Variants in DLC1 observed in about 807,000 individuals in gnomAD.
DLC1 encodes the protein DLC1 Rho GTPase activating protein, also known as rho GTPase-activating protein 7.
A neutral mutation model predicts 140.3 loss-of-function variants in DLC1; 54 were observed. That is an observed-to-expected ratio of 0.38 (90% CI 0.31 to 0.48). The LOEUF (loss-of-function observed/expected upper bound fraction) is 0.48, where lower values mean the gene tolerates loss of function less well. Ranked by LOEUF, DLC1 falls within the 20% of genes least tolerant of loss-of-function variation. The pLI is 0.96. For missense variants in DLC1, 2,536 were observed against 1,907.0 expected, an observed-to-expected ratio of 1.33 and a Z score of -6.14; for synonymous variants, 986 against 728.1, an observed-to-expected ratio of 1.35 and a Z score of -5.70.
At chr8:13,338,725 C>G (rs1256812040) in intron 4 of DLC1, 1 of 152,134 alleles carries the variant, frequency 6.6e-6, no homozygotes, top group African/African-American at 2.4e-5. Context: ...ATCCCAAAAA[C>G]CAGTGGTTCC....
intron 5 of DLC1, among the ~76,000 whole-genome samples, chr8:13,221,850 T>C (rs933177831): frequency 1.3e-4 from 19 of 144,226 alleles, no homozygotes; most frequent in Non-Finnish European, 2.7e-4. Context: ...ATATAAAATA[T>C]ATTAATATAT....
chr8:13,305,101 T>C (rs1429945432), intron 5 of DLC1, 168 bp downstream of exon 5: 1 of 1,297,502 alleles, frequency 7.7e-7, no homozygotes. Flanking sequence ...CCACGTATAT[T>C]TTTCTTACAT....
At chr8:13,543,367 G>GCAGT (rs1448102454) in intron 1 of DLC1, among the ~76,000 whole-genome samples, 1 of 152,122 alleles carries the variant, frequency 6.6e-6, no homozygotes, top group African/African-American at 2.4e-5. Context: ...AATAGCTAGT[G>GCAGT]CAGTCATCTG....
At chr8:13,329,073 A>T (rs1288105316) in intron 4 of DLC1, among the ~76,000 whole-genome samples, 1 of 152,194 alleles carries the variant, frequency 6.6e-6, no homozygotes, top group East Asian at 1.9e-4. Context: ...GATTCATCCA[A>T]TTCATTATTT....
chr8:13,385,965 A>G (rs1316897997), intron 4 of DLC1, among the ~76,000 whole-genome samples: 3 of 152,194 alleles, frequency 2.0e-5, no homozygotes, highest in Admixed American at 6.5e-5. Context: ...AAAATGGCTT[A>G]CCAGTTATTA....
intron 1 of DLC1, among the ~76,000 whole-genome samples, chr8:13,598,027 C>T (rs1056300721): frequency 6.6e-6 from 1 of 152,096 alleles, no homozygotes. Context: ...TTTGCTCCGC[C>T]ACTTGTAGTG....
chr8:13,327,328 G>A (rs904088562), intron 4 of DLC1, among the ~76,000 whole-genome samples: 4 of 151,886 alleles, frequency 2.6e-5, no homozygotes, highest in Non-Finnish European at 4.4e-5. Flanking sequence ...GCCCCAAATG[G>A]GATCTGACCA....
chr8:13,492,236 G>A (rs1292377062), intron 2 of DLC1, among the ~76,000 whole-genome samples: 2 of 151,998 alleles, frequency 1.3e-5, no homozygotes, highest in African/African-American at 4.8e-5. Flanking sequence ...GCTGGCTCTG[G>A]TCATCACCTG....
At chr8:13,220,833 G>C (rs1455952026) in intron 5 of DLC1, among the ~76,000 whole-genome samples, 3 of 152,122 alleles carry the variant, frequency 2.0e-5, no homozygotes, top group Non-Finnish European at 4.4e-5. Context: ...AATTAGAATT[G>C]TCAACTGTTC....
At chr8:13,091,266 G>T in intron 14 of DLC1, 52 bp downstream of exon 14, 1 of 1,574,034 alleles carries the variant, frequency 6.4e-7, no homozygotes, top group Non-Finnish European at 8.7e-7. Context: ...CTAAGATTTT[G>T]TACCTATTCA....
At chr8:13,322,733 T>G (rs953430047) in intron 4 of DLC1, among the ~76,000 whole-genome samples, 1 of 152,186 alleles carries the variant, frequency 6.6e-6, no homozygotes, top group African/African-American at 2.4e-5. Flanking sequence ...TAAGAAGTAA[T>G]ATTTCTTTAC....
chr8:13,591,545 C>G (rs1188349649), intron 1 of DLC1, among the ~76,000 whole-genome samples: 4 of 152,084 alleles, frequency 2.6e-5, no homozygotes, highest in Admixed American at 6.6e-5. Flanking sequence ...TCAATTAAAC[C>G]TCTTTTCTTC....
At chr8:13,580,525 A>C (rs1342040123) in intron 1 of DLC1, among the ~76,000 whole-genome samples, 1 of 152,148 alleles carries the variant, frequency 6.6e-6, no homozygotes, top group Non-Finnish European at 1.5e-5. Flanking sequence ...AAGAGCCCTC[A>C]GTGGTGGGGG....
At chr8:13,098,327 T>G in intron 10 of DLC1, 72 bp downstream of exon 10, 2 of 1,548,516 alleles carry the variant, frequency 1.3e-6, no homozygotes, top group Non-Finnish European at 1.8e-6. Flanking sequence ...TTTTTTACTG[T>G]GGGGACAACC....
intron 7 of DLC1, 36 bp from the exon 8 acceptor site, chr8:13,102,889 C>T (rs754779302): frequency 1.1e-5 from 18 of 1,581,212 alleles, no homozygotes; most frequent in Non-Finnish European, 1.1e-5. Flanking sequence ...CAAAGATAGG[C>T]AACCACTCTC....
chr8:13,327,826 T>C (rs531787073), intron 4 of DLC1, among the ~76,000 whole-genome samples: 1 of 152,306 alleles, frequency 6.6e-6, no homozygotes, highest in South Asian at 2.1e-4. Context: ...TGAATGGCCA[T>C]TAATTAAACA....
intron 1 of DLC1, among the ~76,000 whole-genome samples, chr8:13,549,083 G>A (rs1409612523): frequency 6.6e-6 from 1 of 151,986 alleles, no homozygotes; most frequent in Admixed American, 6.6e-5. Flanking sequence ...CAGGAAATGA[G>A]TCTCCACCTA....
chr8:13,500,609 G>C (rs1801769872), intron 1 of DLC1, among the ~76,000 whole-genome samples: 1 of 152,020 alleles, frequency 6.6e-6, no homozygotes, highest in South Asian at 2.1e-4. Context: ...TCACTGTTTG[G>C]TTTGAATCAC....
chr8:13,578,948 G>A (rs1804945435), intron 1 of DLC1, among the ~76,000 whole-genome samples: 1 of 151,862 alleles, frequency 6.6e-6, no homozygotes, highest in Non-Finnish European at 1.5e-5. Flanking sequence ...AGGGGGTGGG[G>A]CTGAAAGTTC....
Sources: allele counts gnomAD v4.1 joint callset (sites outside exome capture counted in the v4.1 genomes callset), GRCh38; gene constraint gnomAD v4.1.1; transcripts MANE v1.5; gene names NCBI Gene and HGNC (gene_info 2026-07-23, HGNC 2026-07-21).